RASA3: variants seen among roughly 807,000 people sequenced by gnomAD.
RASA3 encodes the protein RAS p21 protein activator 3, also known as ras GTPase-activating protein 3.
Under a neutral mutation model 110.0 loss-of-function variants are expected in RASA3, and 73 were observed. The ratio of observed to expected loss-of-function variants is 0.66; its 90% CI spans 0.55 to 0.81. The LOEUF (loss-of-function observed/expected upper bound fraction) is 0.81. Among genes scored for constraint, RASA3 ranks in the 30% least tolerant of loss-of-function variants. RASA3 has a pLI of 0.00. For missense variants in RASA3, 976 were observed against 1,113.2 expected (o/e 0.88, Z 1.75); for synonymous variants, 500 against 451.4 (o/e 1.11, Z -1.37).
At chr13:114,100,746 C>T (rs891361900) in intron 1 of RASA3, among the ~76,000 whole-genome samples, 6 of 152,176 alleles carry the variant, frequency 3.9e-5, no homozygotes, top group African/African-American at 1.2e-4. Context: ...AATGTCCAGC[C>T]GTTTGGGAAC....
At chr13:114,009,307 G>T in intron 17 of RASA3, 80 bp downstream of exon 17, 2 of 1,145,934 alleles carry the variant, frequency 1.7e-6, no homozygotes, top group Non-Finnish European at 2.6e-6. Context: ...TGTGTCATGT[G>T]GGTTCTATCT....
chr13:114,107,241 G>A (rs772103180), intron 1 of RASA3, among the ~76,000 whole-genome samples: 27 of 151,686 alleles, frequency 1.8e-4, no homozygotes, highest in Non-Finnish European at 3.1e-4. Context: ...TGTGTCCCAC[G>A]TTCGTGTCCT....
At chr13:114,042,365 C>T (rs2054429213) in intron 3 of RASA3, among the ~76,000 whole-genome samples, 1 of 152,242 alleles carries the variant, frequency 6.6e-6, no homozygotes, top group Non-Finnish European at 1.5e-5. Context: ...CACGTGAACT[C>T]CTAGGGAGTC....
intron 2 of RASA3, among the ~76,000 whole-genome samples, chr13:114,061,469 G>C (rs555265323): frequency 6.6e-6 from 1 of 151,634 alleles, no homozygotes; most frequent in African/African-American, 2.4e-5. Flanking sequence ...AAGAGATTGA[G>C]AGCATCCTGG....
intron 21 of RASA3, among the ~76,000 whole-genome samples, chr13:113,995,229 T>C (rs2053204879): frequency 6.6e-6 from 1 of 152,236 alleles, no homozygotes; most frequent in Admixed American, 6.5e-5. Flanking sequence ...TCTCTCCTCG[T>C]CAGGCTGCAA....
chr13:114,107,690 T>G (rs2080153565), intron 1 of RASA3: 1 of 152,278 alleles, frequency 6.6e-6, no homozygotes, highest in South Asian at 2.1e-4. Flanking sequence ...CCCATGGCTA[T>G]CCACATGCCC....
chr13:114,119,829 A>G (rs368711950), intron 1 of RASA3, among the ~76,000 whole-genome samples: 47 of 36,338 alleles, frequency 1.3e-3, no homozygotes, highest in Admixed American at 5.2e-3. Flanking sequence ...GCGTCGATCA[A>G]GTCCCCCCCT....
intron 1 of RASA3, among the ~76,000 whole-genome samples, chr13:114,129,745 CAAT>C (rs2080494087): frequency 6.6e-6 from 1 of 152,150 alleles, no homozygotes; most frequent in South Asian, 2.1e-4. Context: ...ATGTAGTAGA[CAAT>C]AATTGCCTGG....
chr13:114,048,470 G>C lies in RASA3; in HGVS notation c.277+3582C>G, dbSNP rs900465329. On this transcript the variant is annotated intron_variant, in intron 3 of 23. Transcript: ENST00000334062. The surrounding 1 kb of genome is among the most constrained non-coding windows in gnomAD (Gnocchi z 4.3). ...CCAGAGGAAGGTGGAGGCCTAGCGG[G>C]AAAAGGAGGGAGGCGCCAGGATCGG... Among the ~76,000 whole-genome samples, 2 of 152,176 alleles carry C rather than the reference G, an allele frequency of 1.3e-5. No individual in the cohort carries two copies. The highest frequency in any genetic ancestry group is 2.9e-5 in the Non-Finnish European group (2 of 68,024).
intron 1 of RASA3, among the ~76,000 whole-genome samples, chr13:114,079,251 G>C (rs948018112): frequency 1.3e-5 from 2 of 152,202 alleles, no homozygotes; most frequent in South Asian, 2.1e-4. Flanking sequence ...ACGTCATCAC[G>C]GCGTTTTACT....
chr13:114,027,510 C>G (rs1348451070), intron 6 of RASA3, 49 bp from the exon 7 acceptor site: 1 of 1,423,474 alleles, frequency 7.0e-7, no homozygotes, highest in Non-Finnish European at 9.9e-7. Flanking sequence ...CTGCTGATTC[C>G]AAGTCTCTCA....
At chr13:114,100,628 C>G (rs928467191) in intron 1 of RASA3, among the ~76,000 whole-genome samples, 72 of 152,338 alleles carry the variant, frequency 4.7e-4, no homozygotes, top group African/African-American at 1.6e-3. Flanking sequence ...GACGTGGCTT[C>G]CATGGAAAAT....
At position 114,052,214 on chromosome 13, in the gene RASA3, G is replaced by A. The variant is rs1594390672; in HGVS notation, c.174-59C>T. ...CAGGCCACGCTTGCGCCTCACCCCC[G>A]GGGCACACACGTGTGGTCTTAGTTT... On this transcript the variant is annotated intron_variant, in intron 2 of 23. Transcript: ENST00000334062. The A allele has an allele frequency of 1.5e-5, 18 of 1,170,064 alleles. No individual in the cohort carries two copies. The East Asian group carries it at 2.6e-4, about 17-fold the overall frequency. The allele number at this position is 1,170,064 out of a possible 1,614,324, so 72.5% of individuals were successfully genotyped here.
At chr13:114,029,960 G>T in intron 4 of RASA3, 73 bp from the exon 5 acceptor site, 1 of 1,414,816 alleles carries the variant, frequency 7.1e-7, no homozygotes, top group Non-Finnish European at 9.6e-7. Context: ...GCGCGCCCAG[G>T]GAAAGCCTAG....
intron 18 of RASA3, among the ~76,000 whole-genome samples, 156 bp from the exon 19 acceptor site, chr13:114,001,088 G>C (rs1051299793): frequency 3.3e-5 from 5 of 152,200 alleles, no homozygotes; most frequent in African/African-American, 9.6e-5. Flanking sequence ...GATTAAAATT[G>C]GAAGGCAATG....
chr13:113,984,471 C>T (rs1403507912), intron 22 of RASA3, among the ~76,000 whole-genome samples: 4 of 51,824 alleles, frequency 7.7e-5, no homozygotes, highest in African/African-American at 5.9e-5. Context: ...CTCACCCATC[C>T]GTCCATCCAC....
chr13:114,074,015 C>T (rs936185598), intron 1 of RASA3, among the ~76,000 whole-genome samples, 178 bp from the exon 2 acceptor site: 2 of 152,200 alleles, frequency 1.3e-5, no homozygotes, highest in Non-Finnish European at 2.9e-5. Context: ...TGCCGAAAGG[C>T]GAGGGACATG....
intron 4 of RASA3, among the ~76,000 whole-genome samples, chr13:114,030,436 G>GAGAGCAAGA (rs1566501569): frequency 2.6e-5 from 3 of 114,116 alleles, no homozygotes; most frequent in African/African-American, 9.7e-5. Flanking sequence ...AGAGGGCAAG[G>GAGAGCAAGA]CTCACACAGA....
At chr13:114,021,590 C>T in intron 8 of RASA3, 82 bp from the exon 9 acceptor site, 3 of 1,159,360 alleles carry the variant, frequency 2.6e-6, no homozygotes, top group Non-Finnish European at 3.8e-6. Flanking sequence ...CTTTGTTCCC[C>T]CAGGAGCAGA....
Sources: allele counts gnomAD v4.1 joint callset (sites outside exome capture counted in the v4.1 genomes callset), GRCh38; gene constraint gnomAD v4.1.1; non-coding constraint Gnocchi (gnomAD v3.1); transcripts MANE v1.5; gene names NCBI Gene and HGNC (gene_info 2026-07-23, HGNC 2026-07-21).